The following ESRRB variants were observed in gnomAD, a reference collection of about 807,000 sequenced individuals.
ESRRB encodes estrogen related receptor beta.
In ESRRB, 16 loss-of-function variants were observed where a neutral mutation model predicts 46.0. The ratio of observed to expected loss-of-function variants is 0.35; its 90% confidence interval spans 0.24 to 0.53. The LOEUF is 0.53. Ranked by LOEUF, ESRRB falls within the 20% of genes least tolerant of loss-of-function variation. The pLI, the probability that ESRRB is intolerant of heterozygous loss-of-function variation, is 0.93. For missense variants in ESRRB, 488 were observed against 607.4 expected, an observed-to-expected ratio of 0.80 and a Z score of 2.07; for synonymous variants, 246 against 259.6, an observed-to-expected ratio of 0.95 and a Z score of 0.50.
At chr14:76,461,027 T>A (rs1005376532) in intron 2 of ESRRB, among the ~76,000 whole-genome samples, 1 of 151,114 alleles carries the variant, frequency 6.6e-6, no homozygotes, top group South Asian at 2.1e-4. Context: ...TTTCTTTACC[T>A]CCCCCACCTG....
chr14:76,396,929 C>T (rs976908636), intron 1 of ESRRB, among the ~76,000 whole-genome samples: 3 of 152,202 alleles, frequency 2.0e-5, no homozygotes, highest in African/African-American at 7.2e-5. Flanking sequence ...CGTGACTACC[C>T]GAGTGGGTGG....
intron 3 of ESRRB, among the ~76,000 whole-genome samples, chr14:76,467,797 G>C (rs551939031): frequency 6.6e-6 from 1 of 152,034 alleles, no homozygotes; most frequent in African/African-American, 2.4e-5. Context: ...GGGGCTCCCC[G>C]AGGCCTCAGT....
At chr14:76,382,332 T>C (rs1354543142) in intron 1 of ESRRB, among the ~76,000 whole-genome samples, 1 of 152,236 alleles carries the variant, frequency 6.6e-6, no homozygotes, top group African/African-American at 2.4e-5. Flanking sequence ...GGTTCGTCCA[T>C]GGTGCAAAGG....
chr14:76,498,644 GA>G lies in ESRRB; in HGVS notation c.*187del. Reference sequence around the variant, plus strand: ...CGGGTGCAGTGGGGTGGGGGACGGGGATGGGGGGGCAGGGGTGTGGGGCTCG... The same window carrying G: ...CGGGTGCAGTGGGGTGGGGGACGGGGTGGGGGGGCAGGGGTGTGGGGCTCG... On this transcript the variant is annotated 3_prime_UTR_variant, in exon 7 of 7. Coordinates refer to ENST00000644823, the MANE Select transcript of ESRRB (RefSeq NM_001379180.1). 1 of 462,804 alleles carries G rather than the reference GA, an allele frequency of 2.2e-6. No homozygotes were observed. Among genetic ancestry groups the G allele is most frequent in the Non-Finnish European group, 4.2e-6 (1 of 240,394 alleles). The allele number at this position is 462,804 out of a possible 1,614,324, so 28.7% of individuals were successfully genotyped here. A position where few individuals can be genotyped will look rare whatever the true frequency, so the allele number is the denominator to read the frequency against.
At chr14:76,314,153 C>T (rs891022177) in intron 1 of ESRRB, among the ~76,000 whole-genome samples, 1 of 152,166 alleles carries the variant, frequency 6.6e-6, no homozygotes, top group Non-Finnish European at 1.5e-5. Context: ...ACCAGTTAAG[C>T]CATCAGCATT....
Position 76,330,518 on chromosome 14 carries a change from G to A in ESRRB, c.2+19602G>A, listed in dbSNP as rs190248930. 3.3e-3 allele frequency among the ~76,000 whole-genome samples: 496 copies of A among 152,312 alleles called. 4 individuals are homozygous for A. Among genetic ancestry groups the A allele is most frequent in the African/African-American group, 0.011 (451 of 41,564 alleles). On this transcript the variant is annotated intron_variant, in intron 1 of 6. Transcript: ENST00000512784. ...ATGGCCGCTGGCCCTGGTTGCCCCC[G>A]CACTCTGTCCTGGTGTACTTGCCCT...
chr14:76,438,179 G>A (rs867619125), intron 1 of ESRRB, among the ~76,000 whole-genome samples: 1 of 152,142 alleles, frequency 6.6e-6, no homozygotes, highest in Non-Finnish European at 1.5e-5. Context: ...TACCAAGCCT[G>A]GACCAGTGGC....
rs1884772311 is a variant in ESRRB, at chr14:76,376,500, T to G, written c.50+49T>G. On this transcript the variant is annotated intron_variant, in intron 1 of 6. Coordinates refer to ENST00000644823, the MANE Select transcript of ESRRB (RefSeq NM_001379180.1). This position sits in a 1 kb window ranked among gnomAD's most constrained non-coding sequence, Gnocchi z 4.1. ...GTCTGTCCTTCTGCCCGTCTGGCAG[T>G]CTCTGTCCTGGGGATCGCAGTTCCT... The G allele has an allele frequency of 2.5e-6, 3 of 1,201,520 alleles. No homozygotes were observed. Among genetic ancestry groups the G allele is most frequent in the Admixed American group, 4.2e-5 (1 of 23,658 alleles). 74.4% of individuals were successfully genotyped at this position (1,201,520 alleles called of 1,614,324 possible). A position where few individuals can be genotyped will look rare whatever the true frequency, so the allele number is the denominator to read the frequency against.
chr14:76,434,163 G>C (rs894177267), intron 1 of ESRRB, among the ~76,000 whole-genome samples: 1 of 152,040 alleles, frequency 6.6e-6, no homozygotes, highest in Non-Finnish European at 1.5e-5. Flanking sequence ...TTTTTCATTC[G>C]AATGAATGAA....
intron 6 of ESRRB, among the ~76,000 whole-genome samples, chr14:76,491,981 T>C (rs1455513574): frequency 1.3e-5 from 2 of 152,222 alleles, no homozygotes; most frequent in Non-Finnish European, 2.9e-5. Context: ...TGAGGCCACA[T>C]TGCTAAGGAG....
intron 3 of ESRRB, among the ~76,000 whole-genome samples, chr14:76,465,615 G>C (rs538988490): frequency 6.6e-6 from 1 of 152,204 alleles, no homozygotes; most frequent in Non-Finnish European, 1.5e-5. Context: ...TTCAGGGGAA[G>C]CCTCAGTGTT....
chr14:76,386,307 T>C (rs1885225325), intron 1 of ESRRB, among the ~76,000 whole-genome samples: 1 of 152,188 alleles, frequency 6.6e-6, no homozygotes, highest in Non-Finnish European at 1.5e-5. Context: ...TTTGTATAAG[T>C]AAATCCTATG....
chr14:76,489,448 C>CACACACACAA (rs1890136176), intron 5 of ESRRB, among the ~76,000 whole-genome samples: 1 of 149,724 alleles, frequency 6.7e-6, no homozygotes, highest in South Asian at 2.2e-4. Context: ...TGGACAACCA[C>CACACACACAA]ACACACACAC....
chr14:76,329,070 G>A (rs1437578179), intron 1 of ESRRB, among the ~76,000 whole-genome samples: 1 of 152,070 alleles, frequency 6.6e-6, no homozygotes, highest in African/African-American at 2.4e-5. Context: ...AGAAGGGAAG[G>A]GGCTTGGCAG....
intron 5 of ESRRB, among the ~76,000 whole-genome samples, chr14:76,489,236 C>G (rs1181023878): frequency 6.6e-6 from 1 of 152,018 alleles, no homozygotes; most frequent in Admixed American, 6.6e-5. Context: ...TAGACCCCCT[C>G]CCTAGAGCTG....
At chr14:76,434,330 T>A (rs538245582) in intron 1 of ESRRB, among the ~76,000 whole-genome samples, 2 of 151,674 alleles carry the variant, frequency 1.3e-5, no homozygotes, top group African/African-American at 4.8e-5. Context: ...TTCCAGAGAG[T>A]TCTCTATTCT....
At position 76,494,612 on chromosome 14, in the gene ESRRB, T is replaced by C. The variant is rs115934879; in HGVS notation, c.1120+2896T>C. On this transcript the variant is annotated intron_variant, in intron 6 of 6. Transcript: ENST00000644823. ...GTGAGTCACTGCACCCGGCCGACTG[T>C]GTTGTATTGTTCTATAGGTTTTGAC... Among the ~76,000 whole-genome samples, 294 of 152,212 alleles carry C rather than the reference T, an allele frequency of 1.9e-3. 1 individual carries two copies. Among genetic ancestry groups the C allele is most frequent in the African/African-American group, 6.9e-3 (285 of 41,522 alleles).
intron 1 of ESRRB, among the ~76,000 whole-genome samples, chr14:76,313,067 T>C (rs1487233370): frequency 1.3e-5 from 2 of 152,130 alleles, no homozygotes. Context: ...TGTTGGGACA[T>C]TTAGCTAAAA....
At chr14:76,415,520 C>G (rs958690056) in intron 1 of ESRRB, among the ~76,000 whole-genome samples, 1 of 152,052 alleles carries the variant, frequency 6.6e-6, no homozygotes, top group Non-Finnish European at 1.5e-5. Context: ...ATTAGCCAGG[C>G]GTGGTGGTTT....
Sources: allele counts gnomAD v4.1 joint callset (sites outside exome capture counted in the v4.1 genomes callset), GRCh38; gene constraint gnomAD v4.1.1; non-coding constraint Gnocchi (gnomAD v3.1); transcripts MANE v1.5; gene names NCBI Gene and HGNC (gene_info 2026-07-23, HGNC 2026-07-21).